Variants in MLIP observed in about 807,000 individuals in gnomAD.
MLIP encodes the protein muscular LMNA interacting protein, also known as muscular LMNA-interacting protein.
MLIP carries 79 observed loss-of-function variants against 84.8 expected under a neutral mutation model. That is an observed-to-expected ratio of 0.93 (90% CI 0.78 to 1.12). The LOEUF (loss-of-function observed/expected upper bound fraction) is 1.12, where lower values mean the gene tolerates loss of function less well. Among genes scored for constraint, MLIP ranks in the 50% most tolerant of loss-of-function variants. The pLI is 0.00. For synonymous variants in MLIP, 504 were observed against 463.0 expected, an observed-to-expected ratio of 1.09 and a Z score of -1.14; for missense variants, 1,257 against 1,160.6, an observed-to-expected ratio of 1.08 and a Z score of -1.21.
At position 54,038,148 on chromosome 6, in the gene MLIP, C is replaced by T. The variant is rs182722339; in HGVS notation, c.63+19057C>T. ...GACATACTAGACTATTCAGTATGCCCTCTGATAACTAATCCATCAGTAGAT... is the reference window on the plus strand; with the variant it reads ...GACATACTAGACTATTCAGTATGCCTTCTGATAACTAATCCATCAGTAGAT... On this transcript the variant is annotated intron_variant, in intron 1 of 12. Coordinates refer to the MLIP transcript ENST00000274897. Among the ~76,000 whole-genome samples, 8 of 151,964 alleles carry T rather than the reference C, an allele frequency of 5.3e-5. 1 individual carries two copies. Among genetic ancestry groups the T allele is most frequent in the African/African-American group, 1.9e-4 (8 of 41,498 alleles).
intron 1 of MLIP, among the ~76,000 whole-genome samples, chr6:54,089,991 C>T (rs1767755704): frequency 6.6e-6 from 1 of 152,096 alleles, no homozygotes; most frequent in Non-Finnish European, 1.5e-5. Flanking sequence ...AATACCTCTC[C>T]CCCTTTTAAA....
chr6:54,149,984 A>G (rs994311180), intron 5 of MLIP, among the ~76,000 whole-genome samples: 3 of 152,134 alleles, frequency 2.0e-5, no homozygotes, highest in Admixed American at 6.6e-5. Flanking sequence ...TTCTCAATGC[A>G]CTAAGTCCAT....
intron 5 of MLIP, among the ~76,000 whole-genome samples, chr6:54,156,837 T>C (rs1774082755): frequency 6.6e-6 from 1 of 152,080 alleles, no homozygotes. Flanking sequence ...GGACAAATAG[T>C]CCAGTAGGGT....
rs80297107 is a variant in MLIP at position 54,122,930 on chromosome 6, A to G, written c.252+1328A>G. 6.9e-4 allele frequency among the ~76,000 whole-genome samples: 104 copies of G among 151,254 alleles called. No individual in the cohort carries two copies. In the East Asian group the frequency reaches 0.011, roughly 16 times the overall value. On this transcript the variant is annotated intron_variant, in intron 2 of 13. Transcript: ENST00000502396. Reference sequence around the variant, plus strand: ...AAATAGTGTAATTCCTCATTCATTTATATTCTTTTTTTTTTTTTTGAGACG... The same window carrying G: ...AAATAGTGTAATTCCTCATTCATTTGTATTCTTTTTTTTTTTTTTGAGACG...
At chr6:54,242,310 T>C (rs987624130) in intron 12 of MLIP, among the ~76,000 whole-genome samples, 3 of 152,230 alleles carry the variant, frequency 2.0e-5, no homozygotes, top group African/African-American at 7.2e-5. Context: ...TGTTCATTTC[T>C]TCTTCTACTT....
intron 13 of MLIP, among the ~76,000 whole-genome samples, chr6:54,265,398 ACTC>A (rs1783627997): frequency 6.6e-6 from 1 of 152,214 alleles, no homozygotes; most frequent in South Asian, 2.1e-4. Context: ...TATTGGAATC[ACTC>A]CTCTACCACA....
intron 8 of MLIP, among the ~76,000 whole-genome samples, chr6:54,163,843 T>A (rs188497909): frequency 2.6e-4 from 39 of 152,122 alleles, no homozygotes; most frequent in Non-Finnish European, 4.4e-4. Context: ...CTTCAAGTTG[T>A]ATAAAGCAAG....
chr6:54,232,078 C>G (rs1781044312), intron 12 of MLIP, among the ~76,000 whole-genome samples: 1 of 151,822 alleles, frequency 6.6e-6, no homozygotes, highest in Non-Finnish European at 1.5e-5. Flanking sequence ...GTGTCCCATT[C>G]TTGGTCTAGA....
At chr6:54,186,567 G>C (rs1433761137) in intron 9 of MLIP, among the ~76,000 whole-genome samples, 1 of 152,168 alleles carries the variant, frequency 6.6e-6, no homozygotes. Flanking sequence ...GGAAGCCTCA[G>C]GAAACTTATA....
intron 12 of MLIP, among the ~76,000 whole-genome samples, chr6:54,239,293 G>A (rs1447975633): frequency 6.7e-6 from 1 of 149,854 alleles, no homozygotes; most frequent in African/African-American, 2.5e-5. Context: ...CTCTCACATA[G>A]ACAGGAAAAT....
chr6:54,108,900 G>A (rs1407624823), upstream of MLIP, among the ~76,000 whole-genome samples: 12 of 151,860 alleles, frequency 7.9e-5, no homozygotes, highest in Admixed American at 7.9e-4. Flanking sequence ...GAATCCACCT[G>A]GAATAAACTG....
intron 1 of MLIP, among the ~76,000 whole-genome samples, chr6:54,091,239 G>A (rs1259617971): frequency 6.6e-6 from 1 of 152,066 alleles, no homozygotes; most frequent in East Asian, 1.9e-4. Flanking sequence ...AATTGTACCC[G>A]TATTTCCTAT....
intron 1 of MLIP, chr6:54,047,650 G>A (rs769658986): frequency 3.9e-5 from 6 of 152,196 alleles, no homozygotes; most frequent in Non-Finnish European, 8.8e-5. Context: ...ACCTATCGAC[G>A]TGATGTCACT....
At chr6:54,247,567 A>G (rs1295031794) in intron 12 of MLIP, among the ~76,000 whole-genome samples, 30 of 152,188 alleles carry the variant, frequency 2.0e-4, no homozygotes, top group Admixed American at 2.0e-3. Context: ...ATTAAACATA[A>G]AGGAGATGGT....
chr6:54,080,390 A>C (rs1376189306), intron 1 of MLIP, among the ~76,000 whole-genome samples: 2 of 151,982 alleles, frequency 1.3e-5, no homozygotes, highest in Non-Finnish European at 2.9e-5. Flanking sequence ...GGAACCCCTA[A>C]ACCTCTCCCA....
intron 1 of MLIP, among the ~76,000 whole-genome samples, chr6:54,027,418 CACAT>C (rs1296688877): frequency 2.2e-4 from 27 of 124,286 alleles, no homozygotes; most frequent in African/African-American, 8.6e-4. Flanking sequence ...CACACACACA[CACAT>C]ATATACATAA....
At position 54,137,825 on chromosome 6, in the gene MLIP, T is replaced by C. The variant is rs1366813945; in HGVS notation, c.1756T>C (p.Leu586=). Residue 586 remains leucine, a synonymous_variant, in exon 4 of 14, where the codon TTA becomes CTA. Coordinates refer to ENST00000502396, the MANE Select transcript of MLIP (RefSeq NM_001281747.2). ...AAACATTCACACGTACCCTTCTACA[T>C]TAGCCTCCTCTGCATTATCTTCTCT... ...PRNIHTYPST[L]ASSALSSLSP... 6.5e-7 allele frequency: 1 copy of C among 1,536,094 alleles called. No homozygotes were observed. The highest frequency in any genetic ancestry group is 2.0e-5 in the Admixed American group (1 of 50,992).
At chr6:54,123,848 T>G (rs1770675854) in intron 2 of MLIP, among the ~76,000 whole-genome samples, 1 of 152,196 alleles carries the variant, frequency 6.6e-6, no homozygotes, top group Non-Finnish European at 1.5e-5. Flanking sequence ...AAACTATGTA[T>G]TCACAGAAAA....
At chr6:54,256,696 C>T (rs1282548943) in intron 12 of MLIP, among the ~76,000 whole-genome samples, 1 of 152,078 alleles carries the variant, frequency 6.6e-6, no homozygotes, top group Non-Finnish European at 1.5e-5. Flanking sequence ...TAAAAATTCC[C>T]ACATAACAAA....
Sources: allele counts gnomAD v4.1 joint callset (sites outside exome capture counted in the v4.1 genomes callset), GRCh38; gene constraint gnomAD v4.1.1; transcripts MANE v1.5; gene names NCBI Gene and HGNC (gene_info 2026-07-23, HGNC 2026-07-21).